Variants in TEAD1 observed in about 807,000 individuals in gnomAD.
TEAD1 encodes the protein transcriptional enhancer factor TEF-1.
A neutral mutation model predicts 54.9 loss-of-function variants in TEAD1; 9 were observed. That is an observed-to-expected ratio of 0.16 (90% CI 0.10 to 0.29). The LOEUF is 0.29. Among genes scored for constraint, TEAD1 ranks in the 10% least tolerant of loss-of-function variants. The probability of loss-of-function intolerance (pLI) is 1.00; values close to 1 mark genes in which losing one functional copy is unlikely to be tolerated. For missense variants in TEAD1, 387 were observed against 535.9 expected, an observed-to-expected ratio of 0.72 and a Z score of 2.74; for synonymous variants, 200 against 187.8, an observed-to-expected ratio of 1.07 and a Z score of -0.53.
intron 10 of TEAD1, among the ~76,000 whole-genome samples, chr11:12,908,024 T>C (rs540107279): frequency 2.6e-5 from 4 of 152,332 alleles, no homozygotes; most frequent in Middle Eastern, 3.4e-3. Flanking sequence ...CTAAGGTGTA[T>C]TTTCATATAT....
chr11:12,706,505 A>G (rs1943817077), intron 2 of TEAD1, among the ~76,000 whole-genome samples: 1 of 152,252 alleles, frequency 6.6e-6, no homozygotes, highest in South Asian at 2.1e-4. Context: ...ACTGTAATTT[A>G]CATAATTCAG....
intron 11 of TEAD1, among the ~76,000 whole-genome samples, chr11:12,929,163 CGTGTGTGTGTGTGTGT>C (rs60060462): frequency 0.021 from 2,267 of 106,806 alleles, 57 homozygotes; most frequent in African/African-American, 0.071. Flanking sequence ...TTTGCTTTGC[CGTGTGTGTGTGTGTGT>C]GTGTGTGTGT....
At chr11:12,903,301 C>G (rs1297781731) in intron 10 of TEAD1, among the ~76,000 whole-genome samples, 2 of 152,190 alleles carry the variant, frequency 1.3e-5, no homozygotes, top group African/African-American at 4.8e-5. Context: ...CTTGTGGACC[C>G]TGACCACAGG....
intron 2 of TEAD1, among the ~76,000 whole-genome samples, chr11:12,757,394 T>C (rs895557412): frequency 3.3e-5 from 5 of 152,186 alleles, no homozygotes; most frequent in African/African-American, 1.2e-4. Context: ...GAAGGTAAAA[T>C]ATATTGTCTC....
intron 2 of TEAD1, among the ~76,000 whole-genome samples, chr11:12,723,437 A>G (rs908794021): frequency 2.0e-4 from 30 of 152,362 alleles, no homozygotes; most frequent in African/African-American, 7.0e-4. Flanking sequence ...AAACCAAACT[A>G]ACAAAAACCA....
intron 9 of TEAD1, among the ~76,000 whole-genome samples, chr11:12,897,388 C>T (rs1948333232): frequency 6.6e-6 from 1 of 152,184 alleles, no homozygotes; most frequent in Non-Finnish European, 1.5e-5. Context: ...AACTTGAACC[C>T]AACATACAGA....
intron 2 of TEAD1, among the ~76,000 whole-genome samples, chr11:12,690,930 G>GT (rs1020714044): frequency 1.3e-5 from 2 of 152,014 alleles, no homozygotes; most frequent in Non-Finnish European, 2.9e-5. Flanking sequence ...TAGTTTTTTA[G>GT]TTTTTTGTAG....
intron 2 of TEAD1, among the ~76,000 whole-genome samples, chr11:12,696,411 A>G (rs564716808): frequency 6.6e-6 from 1 of 152,080 alleles, no homozygotes; most frequent in Non-Finnish European, 1.5e-5. Context: ...CTAACTGGGG[A>G]GTAGATGTTT....
At chr11:12,877,997 G>A (rs1374460374) in intron 5 of TEAD1, among the ~76,000 whole-genome samples, 1 of 151,794 alleles carries the variant, frequency 6.6e-6, no homozygotes, top group Non-Finnish European at 1.5e-5. Flanking sequence ...TGTGGAGACA[G>A]GGTCTCTCTA....
intron 2 of TEAD1, among the ~76,000 whole-genome samples, chr11:12,747,205 G>A (rs1370400446): frequency 6.6e-6 from 1 of 152,158 alleles, no homozygotes; most frequent in Admixed American, 6.5e-5. Flanking sequence ...GTTGAGCTGG[G>A]CTAGGGGGCT....
chr11:12,843,908 A>G (rs1947089992), intron 3 of TEAD1, among the ~76,000 whole-genome samples: 1 of 152,226 alleles, frequency 6.6e-6, no homozygotes. Flanking sequence ...GCCTAATATT[A>G]AAGGAATAAT....
At chr11:12,854,781 A>T (rs1947339438) in intron 3 of TEAD1, among the ~76,000 whole-genome samples, 1 of 143,866 alleles carries the variant, frequency 7.0e-6, no homozygotes, top group Non-Finnish European at 1.5e-5. Context: ...TTTTTTTTTA[A>T]GAGATAGGGT....
At chr11:12,774,532 A>G (rs1945379594) in intron 3 of TEAD1, among the ~76,000 whole-genome samples, 1 of 152,108 alleles carries the variant, frequency 6.6e-6, no homozygotes, top group Non-Finnish European at 1.5e-5. Context: ...AAATGCCAAC[A>G]TTTCTACCTT....
At chr11:12,814,843 C>T (rs1396712458) in intron 3 of TEAD1, among the ~76,000 whole-genome samples, 1 of 139,224 alleles carries the variant, frequency 7.2e-6, no homozygotes, top group East Asian at 2.2e-4. Flanking sequence ...GTGTGTGTCC[C>T]CGTCCGTCCC....
intron 9 of TEAD1, among the ~76,000 whole-genome samples, chr11:12,899,421 G>T (rs1404100370): frequency 2.0e-5 from 3 of 152,004 alleles, no homozygotes; most frequent in Non-Finnish European, 4.4e-5. Context: ...TGCCCACTGA[G>T]ACTAGAAAGA....
At position 12,937,900 on chromosome 11, in the gene TEAD1, C is replaced by G. The variant is rs1590008196; in HGVS notation, c.*678C>G. 1 of 152,312 alleles carries G rather than the reference C, an allele frequency of 6.6e-6. No individual in the cohort carries two copies. Among genetic ancestry groups the G allele is most frequent in the Non-Finnish European group, 1.5e-5 (1 of 68,012 alleles). 9.4% of individuals were successfully genotyped at this position (152,312 alleles called of 1,614,324 possible). On this transcript the variant is annotated 3_prime_UTR_variant, in exon 13 of 13. Coordinates refer to ENST00000527636, the MANE Select transcript of TEAD1 (RefSeq NM_021961.6). Reference sequence around the variant, plus strand: ...TGTACTTTTATCCTCAAGGTTAACACTAATCTCCTAATCCATTAAACTCTT... The same window carrying G: ...TGTACTTTTATCCTCAAGGTTAACAGTAATCTCCTAATCCATTAAACTCTT...
At chr11:12,920,203 A>G (rs910862196) in intron 10 of TEAD1, among the ~76,000 whole-genome samples, 25 of 152,228 alleles carry the variant, frequency 1.6e-4, no homozygotes, top group African/African-American at 5.8e-4. Context: ...TAGGTGTGCC[A>G]CTGCTGTGGG....
At chr11:12,787,168 C>G (rs1291413974) in intron 3 of TEAD1, among the ~76,000 whole-genome samples, 2 of 152,168 alleles carry the variant, frequency 1.3e-5, no homozygotes, top group African/African-American at 4.8e-5. Context: ...GCCCAGGTCT[C>G]TCACCGTATC....
At chr11:12,867,990 C>A (rs959828614) in intron 5 of TEAD1, among the ~76,000 whole-genome samples, 5 of 152,184 alleles carry the variant, frequency 3.3e-5, no homozygotes, top group Admixed American at 6.5e-5. Context: ...GTTACCACTT[C>A]TCCACAAACT....
Sources: gnomAD v4.1 joint callset for allele counts (sites outside exome capture counted in the v4.1 genomes callset) on GRCh38, gnomAD v4.1.1 for gene constraint, MANE v1.5 for transcripts, NCBI Gene and HGNC (gene_info 2026-07-23, HGNC 2026-07-21) for gene names.